The following RABGAP1L variants were observed in gnomAD, a reference collection of about 807,000 sequenced individuals.
The protein encoded by RABGAP1L is RAB GTPase activating protein 1 like.
In RABGAP1L, 63 loss-of-function variants were observed where a neutral mutation model predicts 137.7. The ratio of observed to expected loss-of-function variants is 0.46; its 90% confidence interval spans 0.37 to 0.56. RABGAP1L has a LOEUF of 0.56. Among genes scored for constraint, RABGAP1L ranks in the 20% least tolerant of loss-of-function variants. RABGAP1L has a pLI of 0.00. For synonymous variants in RABGAP1L, 431 were observed against 433.7 expected (o/e 0.99, Z 0.08); for missense variants, 1,095 against 1,244.0 (o/e 0.88, Z 1.80).
chr1:174,550,973 T>A (rs189957953), intron 13 of RABGAP1L, among the ~76,000 whole-genome samples: 1 of 99,886 alleles, frequency 1.0e-5, no homozygotes, highest in Admixed American at 1.1e-4. Context: ...TATATATACA[T>A]GTATATATAC....
At chr1:174,902,198 G>A (rs900816425) in intron 19 of RABGAP1L, among the ~76,000 whole-genome samples, 4 of 152,226 alleles carry the variant, frequency 2.6e-5, no homozygotes, top group African/African-American at 9.6e-5. Context: ...CAGTCTGGCT[G>A]CTTTTTGGTA....
At chr1:174,554,913 T>C (rs75351889) in intron 13 of RABGAP1L, among the ~76,000 whole-genome samples, 9 of 152,302 alleles carry the variant, frequency 5.9e-5, no homozygotes, top group Non-Finnish European at 8.8e-5. Flanking sequence ...CTAATCTTTT[T>C]TGCATTGTTG....
intron 1 of RABGAP1L, among the ~76,000 whole-genome samples, chr1:174,165,505 T>G (rs1333384854): frequency 6.6e-6 from 1 of 151,830 alleles, no homozygotes; most frequent in African/African-American, 2.4e-5. Flanking sequence ...TTTTTTTTTT[T>G]TTTTTAATTT....
intron 1 of RABGAP1L, among the ~76,000 whole-genome samples, chr1:174,185,666 A>G (rs1666741778): frequency 1.3e-5 from 2 of 152,206 alleles, no homozygotes; most frequent in South Asian, 2.1e-4. Context: ...GCAGCATAAT[A>G]CCACATAACT....
At chr1:174,388,527 A>C (rs1686983729) in intron 12 of RABGAP1L, among the ~76,000 whole-genome samples, 1 of 151,990 alleles carries the variant, frequency 6.6e-6, no homozygotes, top group Non-Finnish European at 1.5e-5. Flanking sequence ...GGGATAGGAG[A>C]ACTTGTAAAA....
At chr1:174,502,652 A>G (rs1240604285) in intron 13 of RABGAP1L, among the ~76,000 whole-genome samples, 1 of 148,162 alleles carries the variant, frequency 6.7e-6, no homozygotes, top group African/African-American at 2.5e-5. Context: ...ATATATGTAC[A>G]TATATATGTG....
intron 1 of RABGAP1L, among the ~76,000 whole-genome samples, chr1:174,197,900 TA>T (rs1167632410): frequency 6.6e-6 from 1 of 152,190 alleles, no homozygotes; most frequent in Non-Finnish European, 1.5e-5. Context: ...ACCCATTTTA[TA>T]TGAATGTGTT....
At chr1:174,652,791 G>T (rs937385607) in intron 14 of RABGAP1L, among the ~76,000 whole-genome samples, 2 of 152,178 alleles carry the variant, frequency 1.3e-5, no homozygotes, top group Non-Finnish European at 2.9e-5. Context: ...CCCACTTGAG[G>T]TGGCAGTCTG....
At chr1:174,166,290 A>G (rs1264797182) in intron 1 of RABGAP1L, among the ~76,000 whole-genome samples, 5 of 152,104 alleles carry the variant, frequency 3.3e-5, no homozygotes, top group Non-Finnish European at 7.3e-5. Flanking sequence ...GTAGTAGAAC[A>G]GGAAGCAGTT....
chr1:174,327,732 T>G (rs1252637906), intron 11 of RABGAP1L, among the ~76,000 whole-genome samples: 1 of 151,560 alleles, frequency 6.6e-6, no homozygotes. Flanking sequence ...AAGACCTAAC[T>G]ATATGCTGCC....
intron 19 of RABGAP1L, among the ~76,000 whole-genome samples, chr1:174,864,055 A>C (rs978152265): frequency 2.0e-5 from 3 of 152,224 alleles, no homozygotes; most frequent in South Asian, 2.1e-4. Flanking sequence ...TAATTATTTT[A>C]GAGGAAATAC....
intron 19 of RABGAP1L, among the ~76,000 whole-genome samples, chr1:174,821,469 A>G (rs1691016732): frequency 2.0e-5 from 3 of 152,210 alleles, no homozygotes; most frequent in South Asian, 2.1e-4. Context: ...TGCAAATACA[A>G]TTTGATCTTA....
At chr1:174,506,253 T>C (rs1338503768) in intron 13 of RABGAP1L, among the ~76,000 whole-genome samples, 1 of 152,204 alleles carries the variant, frequency 6.6e-6, no homozygotes, top group African/African-American at 2.4e-5. Context: ...ATATATTGTA[T>C]ACTTGAACAT....
chr1:174,674,907 T>C (rs1245569237), intron 14 of RABGAP1L, among the ~76,000 whole-genome samples: 1 of 152,276 alleles, frequency 6.6e-6, no homozygotes, highest in African/African-American at 2.4e-5. Flanking sequence ...TGTCTGTTCA[T>C]GTCCTTCACC....
chr1:174,624,820 A>C (rs1301416274), intron 13 of RABGAP1L, among the ~76,000 whole-genome samples: 2 of 151,666 alleles, frequency 1.3e-5, no homozygotes, highest in Non-Finnish European at 2.9e-5. Flanking sequence ...TCAGAGAGGC[A>C]AAACCACCCT....
At chr1:174,184,040 T>G (rs919997565) in intron 1 of RABGAP1L, among the ~76,000 whole-genome samples, 6 of 75,582 alleles carry the variant, frequency 7.9e-5, no homozygotes, top group South Asian at 3.7e-4. Flanking sequence ...TAATTTTTTG[T>G]TTTTTTTTAG....
intron 15 of RABGAP1L, among the ~76,000 whole-genome samples, chr1:174,691,394 A>T (rs1678868027): frequency 6.6e-6 from 1 of 152,198 alleles, no homozygotes; most frequent in Non-Finnish European, 1.5e-5. Context: ...AGAAGTAGTG[A>T]GGGCTTGGAG....
chr1:174,426,530 C>A (rs1651983727), intron 13 of RABGAP1L, among the ~76,000 whole-genome samples: 1 of 151,960 alleles, frequency 6.6e-6, no homozygotes, highest in African/African-American at 2.4e-5. Context: ...ACCCCAAGAT[C>A]TTGATATTAT....
intron 19 of RABGAP1L, among the ~76,000 whole-genome samples, chr1:174,933,032 T>A (rs1384583964): frequency 6.6e-6 from 1 of 152,140 alleles, no homozygotes; most frequent in Non-Finnish European, 1.5e-5. Flanking sequence ...GTATTGTTGC[T>A]TCTATATCTT....
Sources: gnomAD v4.1 joint callset for allele counts (sites outside exome capture counted in the v4.1 genomes callset) on GRCh38, gnomAD v4.1.1 for gene constraint, MANE v1.5 for transcripts, NCBI Gene and HGNC (gene_info 2026-07-23, HGNC 2026-07-21) for gene names.